Variants in ME1 observed in about 807,000 individuals in gnomAD.
ME1 encodes NADP-dependent malic enzyme.
Under a neutral mutation model 66.4 loss-of-function variants are expected in ME1, and 74 were observed. The ratio of observed to expected loss-of-function variants is 1.11; its 90% CI spans 0.92 to 1.35. ME1 has a LOEUF of 1.35. Among genes scored for constraint, ME1 ranks in the 40% most tolerant of loss-of-function variants. The pLI, the probability that ME1 is intolerant of heterozygous loss-of-function variation, is 0.00. For synonymous variants in ME1, 251 were observed against 235.6 expected (o/e 1.07, Z -0.60); for missense variants, 750 against 694.1 (o/e 1.08, Z -0.90).
chr6:83,366,247 CT>C (rs1398680967), intron 3 of ME1, among the ~76,000 whole-genome samples: 1 of 152,196 alleles, frequency 6.6e-6, no homozygotes, highest in Non-Finnish European at 1.5e-5. Context: ...CTCCTTTTCA[CT>C]GCTAGGCTAG....
At chr6:83,254,764 A>G (rs549359044) in intron 6 of ME1, among the ~76,000 whole-genome samples, 1 of 152,216 alleles carries the variant, frequency 6.6e-6, no homozygotes, top group East Asian at 1.9e-4. Context: ...AACAGCTGCA[A>G]TTTCTCCTTT....
intron 6 of ME1, among the ~76,000 whole-genome samples, chr6:83,306,331 T>G (rs1300024138): frequency 6.6e-6 from 1 of 152,038 alleles, no homozygotes; most frequent in Admixed American, 6.6e-5. Context: ...CAGATTATTT[T>G]GAAATCATAA....
Position 83,318,981 on chromosome 6 carries a change from T to G in ME1, c.601-3568A>C, listed in dbSNP as rs199807062. 3.1e-4 allele frequency among the ~76,000 whole-genome samples: 44 copies of G among 143,194 alleles called. No individual in the cohort carries two copies. The East Asian group carries it at 8.8e-3, about 29-fold the overall frequency. 93.9% of individuals were successfully genotyped at this position (143,194 alleles called of 152,430 possible). A position where few individuals can be genotyped will look rare whatever the true frequency, so the allele number is the denominator to read the frequency against. Reference sequence around the variant, plus strand: ...TGGAATACTATGCAGCCATAAAAAATGATGAGTTCATGTCCTTTGTAGGGA... The same window carrying G: ...TGGAATACTATGCAGCCATAAAAAAGGATGAGTTCATGTCCTTTGTAGGGA... On this transcript the variant is annotated intron_variant, in intron 5 of 13. Coordinates refer to ENST00000369705, the MANE Select transcript of ME1 (RefSeq NM_002395.6).
intron 6 of ME1, among the ~76,000 whole-genome samples, chr6:83,303,661 A>G (rs542527345): frequency 6.6e-6 from 1 of 151,562 alleles, no homozygotes; most frequent in Non-Finnish European, 1.5e-5. Flanking sequence ...ATTTTATGAA[A>G]CAACCAGTCC....
chr6:83,293,543 A>G (rs1767542134), intron 6 of ME1, among the ~76,000 whole-genome samples: 1 of 152,188 alleles, frequency 6.6e-6, no homozygotes, highest in Non-Finnish European at 1.5e-5. Flanking sequence ...AATTTTATTT[A>G]GGTATGTTTT....
chr6:83,282,465 C>T lies in ME1; in HGVS notation c.705-28727G>A, dbSNP rs112154594. ...AAAGTGGGTGAAGGATATGAACAGA[C>T]ACTTCTCAAAAGAAGACATTTATGT... On this transcript the variant is annotated intron_variant, in intron 6 of 13. Transcript: ENST00000369705. Among the ~76,000 whole-genome samples the T allele has an allele frequency of 5.9e-3, 898 of 152,296 alleles. 22 individuals are homozygous for T. The East Asian group carries it at 0.06, about 10-fold the overall frequency.
At chr6:83,423,942 C>G (rs1315094201) in intron 1 of ME1, among the ~76,000 whole-genome samples, 1 of 151,824 alleles carries the variant, frequency 6.6e-6, no homozygotes, top group Non-Finnish European at 1.5e-5. Context: ...AATGCCATCT[C>G]TACAAAAAAA....
At position 83,241,422 on chromosome 6, in the gene ME1, C is replaced by T. The variant is rs139887126; in HGVS notation, c.815-1786G>A. Among the ~76,000 whole-genome samples, 29 of 152,150 alleles carry T rather than the reference C, an allele frequency of 1.9e-4. No homozygotes were observed. The East Asian group carries it at 3.9e-3, about 20-fold the overall frequency. On this transcript the variant is annotated intron_variant, in intron 7 of 13. Transcript: ENST00000369705. ...TTATTTACATCGAATTGGACACTTA[C>T]GGTCAGATAGACAGAAAATATTCTA... is the stretch of plus-strand genomic sequence containing the variant.
At chr6:83,255,396 C>T (rs1430609570) in intron 6 of ME1, among the ~76,000 whole-genome samples, 1 of 151,848 alleles carries the variant, frequency 6.6e-6, no homozygotes, top group Non-Finnish European at 1.5e-5. Context: ...TAATTGTTTT[C>T]ACCAAATAAA....
Position 83,398,419 on chromosome 6 carries a change from G to A in ME1, c.310C>T (p.Pro104Ser). ...IEKFMPIVYT[P>S]TVGLACQQYS... ...TGTTGGCAAGCCAGACCCACAGTGG[G>A]AGTATAAACAATAGGCATGAATTTC... Residue 104 changes from proline (P) to serine (S), a missense_variant, in exon 3 of 14, where the codon CCC becomes TCC. Physicochemically the swap from Pro to Ser is moderately conservative, Grantham distance 74. Coordinates refer to ENST00000369705, the MANE Select transcript of ME1 (RefSeq NM_002395.6). 3 of 1,603,256 alleles carry A rather than the reference G, an allele frequency of 1.9e-6. No individual in the cohort carries two copies. The highest frequency in any genetic ancestry group is 2.6e-6 in the Non-Finnish European group (3 of 1,175,344).
intron 6 of ME1, among the ~76,000 whole-genome samples, chr6:83,274,099 C>T (rs1767133643): frequency 6.6e-6 from 1 of 152,104 alleles, no homozygotes; most frequent in African/African-American, 2.4e-5. Flanking sequence ...TAATGCTCTG[C>T]TAATAATGAA....
intron 6 of ME1, among the ~76,000 whole-genome samples, chr6:83,278,333 A>G (rs1767227451): frequency 6.6e-6 from 1 of 152,140 alleles, no homozygotes; most frequent in South Asian, 2.1e-4. Flanking sequence ...ACACTTTCAT[A>G]AGTTTTATCT....
chr6:83,326,565 A>T (rs1768295924), intron 5 of ME1, among the ~76,000 whole-genome samples: 1 of 152,176 alleles, frequency 6.6e-6, no homozygotes, highest in South Asian at 2.1e-4. Flanking sequence ...TCCATCAGAA[A>T]GTGGGCAAAG....
chr6:83,226,983 A>G (rs1052576066), intron 11 of ME1, among the ~76,000 whole-genome samples: 2 of 152,182 alleles, frequency 1.3e-5, no homozygotes, highest in Non-Finnish European at 2.9e-5. Context: ...TTTACATTGT[A>G]TGCTTCAGTG....
intron 9 of ME1, among the ~76,000 whole-genome samples, chr6:83,233,268 C>T (rs577260114): frequency 6.6e-6 from 1 of 152,034 alleles, no homozygotes; most frequent in South Asian, 2.1e-4. Flanking sequence ...ATTAGTTTTA[C>T]ATTAAAATGT....
intron 5 of ME1, among the ~76,000 whole-genome samples, chr6:83,330,979 G>T (rs967437847): frequency 1.3e-5 from 2 of 152,116 alleles, no homozygotes; most frequent in Non-Finnish European, 2.9e-5. Flanking sequence ...GTCTGAAGTG[G>T]CAAGGGTACA....
intron 6 of ME1, among the ~76,000 whole-genome samples, chr6:83,281,821 AAAAAAAAAAAAAAAG>A: frequency 7.0e-6 from 1 of 142,272 alleles, no homozygotes; most frequent in Non-Finnish European, 1.6e-5. Context: ...AAAAAAAAAA[AAAAAAAAAAAAAAAG>A]AAAAGAAAAC....
At chr6:83,373,274 C>T (rs761177749) in intron 3 of ME1, among the ~76,000 whole-genome samples, 4 of 151,764 alleles carry the variant, frequency 2.6e-5, no homozygotes, top group Non-Finnish European at 4.4e-5. Context: ...CTCACTTCAT[C>T]GCCCAGGCTG....
At chr6:83,352,215 T>C in intron 3 of ME1, 76 bp from the exon 4 acceptor site, 1 of 925,046 alleles carries the variant, frequency 1.1e-6, no homozygotes, top group Non-Finnish European at 1.5e-6. Context: ...ATATCTTAAA[T>C]TTTTTTTCAA....
Sources: gnomAD v4.1 joint callset for allele counts (sites outside exome capture counted in the v4.1 genomes callset) on GRCh38, gnomAD v4.1.1 for gene constraint, MANE v1.5 for transcripts, NCBI Gene and HGNC (gene_info 2026-07-23, HGNC 2026-07-21) for gene names.